The following PVT1 variants were observed in gnomAD, a reference collection of about 807,000 sequenced individuals.
PVT1 encodes Pvt1 oncogene.
At chr8:128,017,030 G>T (rs1430298190) in intron 4 of PVT1, among the ~76,000 whole-genome samples, 1 of 152,182 alleles carries the variant, frequency 6.6e-6, no homozygotes, top group Admixed American at 6.5e-5. Context: ...AAAAGAAAAA[G>T]AAAAGTTTCC....
intron 2 of PVT1, among the ~76,000 whole-genome samples, chr8:127,812,864 A>C (rs1039377416): frequency 6.6e-6 from 1 of 152,164 alleles, no homozygotes; most frequent in Non-Finnish European, 1.5e-5. Context: ...CTTAATATGC[A>C]CTTGTAACTG....
intron 2 of PVT1, among the ~76,000 whole-genome samples, chr8:127,864,292 A>AACTGC (rs150919497): frequency 0.013 from 1,987 of 152,140 alleles, 54 homozygotes; most frequent in African/African-American, 0.045. Flanking sequence ...TGCCGGCTGG[A>AACTGC]ACTGGGGCCC....
chr8:127,892,061 AGGCCACCTGGCATGTGGC>A (rs1418999037), intron 3 of PVT1, among the ~76,000 whole-genome samples: 4 of 152,206 alleles, frequency 2.6e-5, no homozygotes, highest in Non-Finnish European at 5.9e-5. Flanking sequence ...AGACCACTTG[AGGCCACCTGGCATGTGGC>A]GGCCAAGACC....
At chr8:127,991,142 T>TTTTTC (rs1189686640) in intron 4 of PVT1, among the ~76,000 whole-genome samples, 12 of 35,370 alleles carry the variant, frequency 3.4e-4, no homozygotes, top group African/African-American at 2.4e-3. Context: ...TTTTCTTTCT[T>TTTTTC]TTTTTTTTTT....
At chr8:127,938,778 C>G (rs1816309464) in intron 3 of PVT1, among the ~76,000 whole-genome samples, 1 of 152,190 alleles carries the variant, frequency 6.6e-6, no homozygotes, top group African/African-American at 2.4e-5. Flanking sequence ...CTTTGCGTTC[C>G]TCTGCCCCAG....
chr8:127,835,910 CT>C (rs1207459857), intron 2 of PVT1, among the ~76,000 whole-genome samples: 1 of 152,154 alleles, frequency 6.6e-6, no homozygotes, highest in Non-Finnish European at 1.5e-5. Context: ...CAAGTGGTCC[CT>C]CCCTCTGTAG....
rs192607356 is a variant in PVT1 at position 127,824,951 on chromosome 8, C to A, written n.372+28880C>A. On this transcript the variant is annotated intron_variant and non_coding_transcript_variant, in intron 2 of 10. Coordinates refer to ENST00000651587, the Ensembl canonical transcript of PVT1. ...CTTGGGCAACATGGTGAAACCGCAT[C>A]TCCACTCAAAATACAAAAATTAGCT... Among the ~76,000 whole-genome samples the A allele has an allele frequency of 2.4e-3, 371 of 152,086 alleles. 2 individuals carry two copies. The highest frequency in any genetic ancestry group is 8.8e-3 in the African/African-American group (366 of 41,460).
At chr8:127,822,928 G>A (rs925166754) in intron 2 of PVT1, among the ~76,000 whole-genome samples, 3 of 152,200 alleles carry the variant, frequency 2.0e-5, no homozygotes, top group African/African-American at 7.2e-5. Flanking sequence ...AGGATTTTGA[G>A]CCAGGGAGTG....
At chr8:128,062,247 T>C (rs922024183) in intron 4 of PVT1, among the ~76,000 whole-genome samples, 1 of 152,204 alleles carries the variant, frequency 6.6e-6, no homozygotes, top group African/African-American at 2.4e-5. Context: ...TTTTAAAAAA[T>C]TATTTTCTCT....
chr8:128,091,166 T>C (rs973122400), intron 5 of PVT1, among the ~76,000 whole-genome samples: 3 of 152,176 alleles, frequency 2.0e-5, no homozygotes, highest in African/African-American at 4.8e-5. Flanking sequence ...GTTAGGTCCC[T>C]GGGGGCGATC....
At chr8:127,922,413 G>A (rs1816073795) in intron 3 of PVT1, among the ~76,000 whole-genome samples, 1 of 151,758 alleles carries the variant, frequency 6.6e-6, no homozygotes, top group Non-Finnish European at 1.5e-5. Context: ...TCCCCCATAT[G>A]CTACATTAAA....
At chr8:127,953,833 C>T (rs1816537461) in intron 3 of PVT1, among the ~76,000 whole-genome samples, 1 of 151,800 alleles carries the variant, frequency 6.6e-6, no homozygotes, top group Admixed American at 6.6e-5. Flanking sequence ...TCTTTTGTTT[C>T]CTTTTCTTTT....
chr8:127,921,544 G>T (rs193093611), intron 3 of PVT1, among the ~76,000 whole-genome samples: 1 of 152,302 alleles, frequency 6.6e-6, no homozygotes, highest in Admixed American at 6.5e-5. Flanking sequence ...GGGCACAGTG[G>T]CTCCTGCCTG....
At position 127,978,989 on chromosome 8, in the gene PVT1, G is replaced by A. The variant is rs114261127; in HGVS notation, n.783-10173G>A. 3.8e-3 allele frequency among the ~76,000 whole-genome samples: 586 copies of A among 152,314 alleles called. 3 individuals are homozygous for A. Among genetic ancestry groups the A allele is most frequent in the African/African-American group, 0.013 (556 of 41,550 alleles). On this transcript the variant is annotated intron_variant and non_coding_transcript_variant, in intron 3 of 10. Coordinates refer to ENST00000651587, the Ensembl canonical transcript of PVT1. ...ACTCCTGGCCTCAAGTGACCCTTCCGCCTTGGCGGTTGCCATTTTTAGCAT... is the reference window on the plus strand; with the variant it reads ...ACTCCTGGCCTCAAGTGACCCTTCCACCTTGGCGGTTGCCATTTTTAGCAT...
chr8:128,091,697 T>A (rs767827105), intron 5 of PVT1, among the ~76,000 whole-genome samples: 9 of 152,234 alleles, frequency 5.9e-5, no homozygotes, highest in Non-Finnish European at 1.2e-4. Context: ...CCTTTAAAGT[T>A]ACTTATCAGG....
intron 4 of PVT1, among the ~76,000 whole-genome samples, chr8:128,049,685 G>A (rs1223815064): frequency 6.6e-6 from 1 of 152,178 alleles, no homozygotes; most frequent in Non-Finnish European, 1.5e-5. Context: ...GGGAAGGCAG[G>A]CGGGGAGTGA....
intron 2 of PVT1, among the ~76,000 whole-genome samples, chr8:127,863,706 C>T (rs1037013640): frequency 2.0e-5 from 3 of 152,218 alleles, no homozygotes; most frequent in Non-Finnish European, 4.4e-5. Context: ...GTATGTGTTG[C>T]TGCAGCACTT....
chr8:127,855,342 A>C (rs1046711721), intron 2 of PVT1: 8 of 396,438 alleles, frequency 2.0e-5, no homozygotes, highest in African/African-American at 1.4e-4. Flanking sequence ...AGCTTGGGGG[A>C]TGGGAATGGG....
chr8:128,074,512 G>C (rs1361934530), intron 5 of PVT1, among the ~76,000 whole-genome samples: 1 of 128,600 alleles, frequency 7.8e-6, no homozygotes, highest in East Asian at 2.7e-4. Flanking sequence ...GACAGAGTGA[G>C]ACTGTCTAAA....
Sources: gnomAD v4.1 joint callset for allele counts (sites outside exome capture counted in the v4.1 genomes callset) on GRCh38, gnomAD v4.1.1 for gene constraint, MANE v1.5 for transcripts, NCBI Gene and HGNC (gene_info 2026-07-23, HGNC 2026-07-21) for gene names.